Variants in ZNF846 observed in about 807,000 individuals in gnomAD.
ZNF846 encodes zinc finger protein 420 pseudogene.
ZNF846 carries 15 observed loss-of-function variants against 16.0 expected under a neutral mutation model. That is an observed-to-expected ratio of 0.94 (90% CI 0.63 to 1.45). ZNF846 has a LOEUF of 1.45. Among genes scored for constraint, ZNF846 ranks in the 40% most tolerant of loss-of-function variants. ZNF846 has a pLI of 0.00. For missense variants in ZNF846, 714 were observed against 622.3 expected, an observed-to-expected ratio of 1.15 and a Z score of -1.57; for synonymous variants, 229 against 212.0, an observed-to-expected ratio of 1.08 and a Z score of -0.70.
chr19:9,762,287 A>T (rs928358208), intron 3 of ZNF846, 119 bp from the exon 4 acceptor site: 8 of 709,586 alleles, frequency 1.1e-5, no homozygotes, highest in Non-Finnish European at 2.0e-5. Context: ...TAACTTTACA[A>T]ATAGCAAACT....
At chr19:9,750,491 A>G (rs1477215034), downstream of ZNF846, among the ~76,000 whole-genome samples, 1 of 151,908 alleles carries the variant, frequency 6.6e-6, no homozygotes, top group Non-Finnish European at 1.5e-5. Context: ...TTCACTTTAC[A>G]TTTCCAGTTA....
chr19:9,782,501 AGT>A (rs1330099742), intron 1 of ZNF846, among the ~76,000 whole-genome samples: 2 of 151,880 alleles, frequency 1.3e-5, no homozygotes, highest in African/African-American at 4.8e-5. Context: ...GGTCTCAGGC[AGT>A]CCTCCCGACT....
exon 6 of ZNF846, chr19:9,758,039 A>T (rs567022072): frequency 1.2e-6 from 2 of 1,612,246 alleles, no homozygotes; most frequent in Admixed American, 3.3e-5. Flanking sequence ...AATGAATAAA[A>T]GCTTTTCCAC....
intron 1 of ZNF846, among the ~76,000 whole-genome samples, chr19:9,784,214 GGTCTC>G (rs1302075467): frequency 1.3e-5 from 2 of 152,168 alleles, no homozygotes; most frequent in Non-Finnish European, 2.9e-5. Flanking sequence ...CACCGGCACT[GGTCTC>G]TGAGTTCCCT....
upstream of ZNF846, among the ~76,000 whole-genome samples, chr19:9,770,315 T>C (rs544574924): frequency 3.4e-5 from 5 of 148,640 alleles, no homozygotes; most frequent in East Asian, 1.0e-3. Flanking sequence ...ACTGTAGATA[T>C]TGCCTGTAGA....
chr19:9,773,090 A>G (rs1422832998), upstream of ZNF846, among the ~76,000 whole-genome samples: 1 of 152,238 alleles, frequency 6.6e-6, no homozygotes, highest in Non-Finnish European at 1.5e-5. Context: ...AATCCATTAA[A>G]TAATGCACCA....
downstream of ZNF846, chr19:9,757,350 C>T (rs540032283): frequency 2.4e-5 from 18 of 751,010 alleles, no homozygotes; most frequent in South Asian, 3.9e-5. Flanking sequence ...GGACTTGTGT[C>T]CATGTTAAAT....
intron 1 of ZNF846, among the ~76,000 whole-genome samples, chr19:9,766,185 C>T (rs1035710838): frequency 5.3e-5 from 8 of 151,616 alleles, no homozygotes; most frequent in African/African-American, 1.9e-4. Context: ...TTTGGGAGGC[C>T]GAGGTGGGCA....
chr19:9,781,124 T>C (rs1229374031), intron 1 of ZNF846, among the ~76,000 whole-genome samples: 1 of 152,140 alleles, frequency 6.6e-6, no homozygotes, highest in Non-Finnish European at 1.5e-5. Context: ...GAAAATATCC[T>C]GTTAGGTGTT....
exon 6 of ZNF846, chr19:9,758,173 T>C (rs2045163625): frequency 1.9e-6 from 3 of 1,613,426 alleles, no homozygotes; most frequent in Admixed American, 1.7e-5. Context: ...CTGTGGATTC[T>C]TGTATGATCA....
chr19:9,763,560 C>T (rs1465453781), intron 2 of ZNF846, 152 bp from the exon 3 acceptor site: 2 of 551,680 alleles, frequency 3.6e-6, no homozygotes, highest in East Asian at 3.0e-5. Flanking sequence ...CTTGCAATGG[C>T]ATCCAATCCC....
chr19:9,764,553 AC>A lies in ZNF846; in HGVS notation c.15+382del, dbSNP rs1465856399. Among the ~76,000 whole-genome samples the A allele has an allele frequency of 2.0e-5, 3 of 151,728 alleles. No homozygotes were observed. In the East Asian group the frequency reaches 5.8e-4, roughly 29 times the overall value. On this transcript the variant is annotated intron_variant, in intron 2 of 5. Transcript: ENST00000397902. ...ATGACCCTAAATCCCTCACTAACCT[AC>A]CCCCGCCCTCACTAAGCTTAATAAT... is the stretch of plus-strand genomic sequence containing the variant.
chr19:9,751,484 T>C (rs760547230), downstream of ZNF846, among the ~76,000 whole-genome samples: 8 of 152,098 alleles, frequency 5.3e-5, no homozygotes, highest in Non-Finnish European at 1.0e-4. Flanking sequence ...GCCCTTGTGA[T>C]AATGTACTTT....
chr19:9,751,338 C>T (rs542120473), downstream of ZNF846, among the ~76,000 whole-genome samples: 1 of 152,160 alleles, frequency 6.6e-6, no homozygotes, highest in African/African-American at 2.4e-5. Context: ...CTCCTCCATA[C>T]AGCCCCAAAA....
At chr19:9,759,730 T>TA in intron 5 of ZNF846, 130 bp downstream of exon 5, 1 of 621,316 alleles carries the variant, frequency 1.6e-6, no homozygotes, top group Non-Finnish European at 2.8e-6. Context: ...GTGCTTCCCA[T>TA]ATTCATGATA....
At chr19:9,761,596 A>T (rs571564974) in intron 4 of ZNF846, among the ~76,000 whole-genome samples, 2 of 152,138 alleles carry the variant, frequency 1.3e-5, no homozygotes, top group African/African-American at 4.8e-5. Context: ...CTGTAATCTT[A>T]GCTACTTGGG....
downstream of ZNF846, among the ~76,000 whole-genome samples, chr19:9,754,747 T>C (rs2045117657): frequency 6.6e-6 from 1 of 151,418 alleles, no homozygotes; most frequent in African/African-American, 2.5e-5. Context: ...TTACAGCTTT[T>C]TGGTCCCTCA....
At chr19:9,763,185 G>A in intron 3 of ZNF846, 97 bp downstream of exon 3, 1 of 1,141,270 alleles carries the variant, frequency 8.8e-7, no homozygotes, top group South Asian at 2.1e-5. Flanking sequence ...CAAGGTCCAT[G>A]CCTGTCTTGC....
upstream of ZNF846, among the ~76,000 whole-genome samples, chr19:9,769,682 T>C (rs2045371823): frequency 6.6e-6 from 1 of 151,950 alleles, no homozygotes; most frequent in Non-Finnish European, 1.5e-5. Context: ...GTTTGAAAGA[T>C]TAACCTGATG....
Sources: gnomAD v4.1 joint callset for allele counts (sites outside exome capture counted in the v4.1 genomes callset) on GRCh38, gnomAD v4.1.1 for gene constraint, MANE v1.5 for transcripts, NCBI Gene and HGNC (gene_info 2026-07-23, HGNC 2026-07-21) for gene names.